Variants in HUWE1 observed in about 807,000 individuals in gnomAD.
HUWE1 encodes E3 ubiquitin-protein ligase HUWE1.
In HUWE1, 18 loss-of-function variants were observed where a neutral mutation model predicts 299.4. That is an observed-to-expected ratio of 0.06 (90% confidence interval 0.04 to 0.09). HUWE1 has a LOEUF of 0.09. Among genes scored for constraint, HUWE1 ranks in the 10% least tolerant of loss-of-function variants. HUWE1 has a pLI of 1.00. For synonymous variants in HUWE1, 1,317 were observed against 1,286.1 expected, an observed-to-expected ratio of 1.02 and a Z score of -0.51; for missense variants, 1,832 against 3,462.3, an observed-to-expected ratio of 0.53 and a Z score of 11.82.
At position 53,537,628 on chromosome X, in the gene HUWE1, C is replaced by T; in HGVS notation, c.12065G>A (p.Arg4022His). The change falls in exon 78 of 84, where the codon CGT becomes CAT. Residue 4022 changes from arginine to histidine, a missense_variant. Arg to His is a conservative substitution (Grantham distance 29, BLOSUM62 0). This residue lies in a region of HUWE1 where 129 missense variants were observed against 439.4 expected (regional missense o/e 0.29). Coordinates refer to ENST00000262854, the MANE Select transcript of HUWE1 (RefSeq NM_031407.7). ...GGAGTCTTCAAACACATGGTCACGACGGACATGCACAGCCATGTCTTCTTT... is the reference window on the plus strand; with the variant it reads ...GGAGTCTTCAAACACATGGTCACGATGGACATGCACAGCCATGTCTTCTTT... ...LRKEDMAVHV[R>H]RDHVFEDSYR... The T allele has an allele frequency of 1.7e-6, 2 of 1,206,729 alleles. No individual in the cohort carries two copies. The highest frequency in any genetic ancestry group is 2.2e-6 in the Non-Finnish European group (2 of 891,604).
chrX:53,576,874 C>T, intron 44 of HUWE1, 26 bp downstream of exon 44: 1 of 1,208,084 alleles, frequency 8.3e-7, no homozygotes, highest in Non-Finnish European at 1.1e-6. Flanking sequence ...TAGTGCCCAG[C>T]CTCCTGAGGT....
rs2061913360 is a variant in HUWE1, at chrX:53,554,527, G to A, written c.8494+106C>T. 3.6e-6 allele frequency: 3 copies of A among 824,935 alleles called. No homozygotes were observed. In the Admixed American group the frequency reaches 7.3e-5, roughly 20 times the overall value. The allele number at this position is 824,935 out of a possible 1,213,427, so 68.0% of individuals were successfully genotyped here. ...AAGACGAGATCTTATTATTTGAGAA[G>A]TTGAACTCCTACTATTTCTCTCAAG... On this transcript the variant is annotated intron_variant, in intron 61 of 83. Transcript: ENST00000262854.
intron 43 of HUWE1, among the ~76,000 whole-genome samples, chrX:53,579,030 G>A (rs1201212717): frequency 4.4e-5 from 2 of 45,106 alleles, no homozygotes; most frequent in Non-Finnish European, 8.3e-5. Context: ...GGAGGGAGGC[G>A]GGGGGGGGGG....
intron 44 of HUWE1, 39 bp downstream of exon 44, chrX:53,576,861 C>T: frequency 1.7e-6 from 2 of 1,202,548 alleles, no homozygotes; most frequent in Non-Finnish European, 2.3e-6. Flanking sequence ...GTAACATATC[C>T]TCTAGTGCCC....
intron 60 of HUWE1, 134 bp from the exon 61 acceptor site, chrX:53,555,054 AG>A (rs1248531282): frequency 2.2e-6 from 1 of 451,871 alleles, no homozygotes; most frequent in Non-Finnish European, 3.7e-6. Flanking sequence ...AAATACTCCA[AG>A]GAACATCTCT....
Position 53,575,907 on chromosome X carries a change from T to C in HUWE1, c.5885-119A>G, listed in dbSNP as rs782507031. The C allele has an allele frequency of 5.8e-5, 43 of 740,635 alleles. No homozygotes were observed. The Admixed American group carries it at 7.0e-4, about 12-fold the overall frequency. The allele number at this position is 740,635 out of a possible 1,213,427, so 61.0% of individuals were successfully genotyped here. Reference sequence around the variant, plus strand: ...CATCAAGTGGCTATGACTGTTTACATGGTGCTATTACAGATAATGTTAGAG... The same window carrying C: ...CATCAAGTGGCTATGACTGTTTACACGGTGCTATTACAGATAATGTTAGAG... On this transcript the variant is annotated intron_variant, in intron 44 of 83. Coordinates refer to ENST00000262854, the MANE Select transcript of HUWE1 (RefSeq NM_031407.7).
intron 25 of HUWE1, among the ~76,000 whole-genome samples, chrX:53,606,047 T>C (rs2065133981): frequency 9.0e-6 from 1 of 111,363 alleles, no homozygotes; most frequent in African/African-American, 3.3e-5. Context: ...TTGGCAATGG[T>C]TTTGTGGACA....
intron 53 of HUWE1, among the ~76,000 whole-genome samples, 200 bp downstream of exon 53, chrX:53,562,631 T>C (rs908351998): frequency 9.0e-6 from 1 of 111,622 alleles, no homozygotes; most frequent in Non-Finnish European, 1.9e-5. Context: ...AAGTAAGAAG[T>C]GACAAACTTT....
chrX:53,620,358 T>A (rs782448721), intron 19 of HUWE1, among the ~76,000 whole-genome samples: 2 of 109,209 alleles, frequency 1.8e-5, no homozygotes, highest in African/African-American at 6.7e-5. Flanking sequence ...AGTACTTAAG[T>A]GATCCTCCCA....
In HUWE1 at chrX:53,605,653, T is replaced by C. The variant is rs782458526; in HGVS notation, c.2497-819A>G. Among the ~76,000 whole-genome samples, 3 of 112,193 alleles carry C rather than the reference T, an allele frequency of 2.7e-5. No individual in the cohort carries two copies. The Admixed American group carries it at 2.8e-4, about 11-fold the overall frequency. ...CAAAATTCCAATGCTGTTTTTTGTT[T>C]TGGTTTTGCAGAAATAGAAAAATCC... is the stretch of plus-strand genomic sequence containing the variant. On this transcript the variant is annotated intron_variant, in intron 25 of 83. Transcript: ENST00000262854.
At chrX:53,593,974 G>C (rs2064308277) in intron 31 of HUWE1, among the ~76,000 whole-genome samples, 1 of 110,779 alleles carries the variant, frequency 9.0e-6, no homozygotes, top group South Asian at 3.9e-4. Flanking sequence ...GCGGGCGCCT[G>C]TAGTCCCAGC....
rs781877059 is a variant in HUWE1, at chrX:53,562,129, TTCC to T, written c.7317_7319del (p.Glu2440del). The T allele has an allele frequency of 3.2e-4, 382 of 1,189,489 alleles. No individual in the cohort carries two copies. Among genetic ancestry groups the T allele is most frequent in the East Asian group, 1.2e-3 (40 of 33,471 alleles). ...CCCTCACCTGATCATCTTCCTCATCTTCCTCCTCCTCCTCCTCTTCATCCTGAC... is the reference window on the plus strand; with the variant it reads ...CCCTCACCTGATCATCTTCCTCATCTTCCTCCTCCTCCTCTTCATCCTGAC... On this transcript the variant is annotated inframe_deletion, in exon 54 of 84. Transcript: ENST00000262854.
At chrX:53,636,333 C>G (rs1302721336) in intron 7 of HUWE1, among the ~76,000 whole-genome samples, 1 of 112,318 alleles carries the variant, frequency 8.9e-6, no homozygotes, top group Non-Finnish European at 1.9e-5. Flanking sequence ...TATCAGAACT[C>G]TAAAAAATAA....
intron 33 of HUWE1, 45 bp downstream of exon 33, chrX:53,592,353 T>G: frequency 4.2e-6 from 4 of 949,110 alleles, no homozygotes; most frequent in Non-Finnish European, 6.1e-6. Context: ...TCACACTCCA[T>G]TGGGTGCAAA....
intron 68 of HUWE1, 83 bp downstream of exon 68, chrX:53,547,590 G>C: frequency 8.6e-7 from 1 of 1,168,704 alleles, no homozygotes; most frequent in Non-Finnish European, 1.1e-6. Flanking sequence ...CTATCACTGA[G>C]GGAGAACTAT....
chrX:53,546,611 A>G lies in HUWE1; in HGVS notation c.10759-19T>C, dbSNP rs782528304. 2.1e-5 allele frequency: 25 copies of G among 1,207,806 alleles called. No homozygotes were observed. Among genetic ancestry groups the G allele is most frequent in the East Asian group, 3.0e-5 (1 of 33,742 alleles). On this transcript the variant is annotated intron_variant, in intron 69 of 83. Transcript: ENST00000262854. ...TCAACACCTGAGAAAAAGAAGACAG[A>G]AGGAGTAAGCCCCAGCCTGAGAACA...
At chrX:53,625,888 C>T (rs868921764) in intron 17 of HUWE1, 4 of 328,368 alleles carry the variant, frequency 1.2e-5, no homozygotes, top group Non-Finnish European at 2.4e-5. Context: ...GGGCCAGGGC[C>T]GGTGCCGGGG....
At chrX:53,639,609 G>A (rs1445658914) in intron 7 of HUWE1, among the ~76,000 whole-genome samples, 1 of 112,068 alleles carries the variant, frequency 8.9e-6, no homozygotes, top group African/African-American at 3.2e-5. Context: ...ATAATATGAA[G>A]ATAATATATA....
rs2147744844 is a variant in HUWE1 at position 53,565,191 on chromosome X, T to C, written c.6756A>G (p.Thr2252=). Reference sequence around the variant, plus strand: ...TGGGCTGGTTCACAATCCGGGAAAGTGTTTCCAAAGGCTTCAGAGCAGCAT... The same window carrying C: ...TGGGCTGGTTCACAATCCGGGAAAGCGTTTCCAAAGGCTTCAGAGCAGCAT... ...TVNAALKPLE[T]LSRIVNQPSS... Residue 2252 remains threonine (T), a synonymous_variant, in exon 50 of 84, where the codon ACA becomes ACG. Transcript: ENST00000262854. The C allele has an allele frequency of 8.3e-7, 1 of 1,211,453 alleles. No individual in the cohort carries two copies. Among genetic ancestry groups the C allele is most frequent in the Non-Finnish European group, 1.1e-6 (1 of 895,238 alleles).
Sources: allele counts gnomAD v4.1 joint callset (sites outside exome capture counted in the v4.1 genomes callset), GRCh38; gene constraint gnomAD v4.1.1; regional missense constraint gnomAD v4.1.1; transcripts MANE v1.5; gene names NCBI Gene and HGNC (gene_info 2026-07-23, HGNC 2026-07-21).